The following DYRK1A variants were observed in gnomAD, a reference collection of about 807,000 sequenced individuals.
DYRK1A encodes the protein dual specificity tyrosine-phosphorylation-regulated kinase 1A.
In DYRK1A, 9 loss-of-function variants were observed where a neutral mutation model predicts 79.7. The observed-to-expected ratio is 0.11, with a 90% CI of 0.07 to 0.20. The LOEUF (loss-of-function observed/expected upper bound fraction) is 0.20. DYRK1A is among the 10% of genes least tolerant of loss of function. DYRK1A has a pLI of 1.00. For missense variants in DYRK1A, 622 were observed against 956.0 expected, an observed-to-expected ratio of 0.65 and a Z score of 4.61; for synonymous variants, 349 against 329.7, an observed-to-expected ratio of 1.06 and a Z score of -0.63.
intron 2 of DYRK1A, among the ~76,000 whole-genome samples, chr21:37,470,943 T>TA (rs1163170646): frequency 6.6e-6 from 1 of 152,250 alleles, no homozygotes; most frequent in African/African-American, 2.4e-5. Flanking sequence ...ACTATCCTTT[T>TA]ACTTATTTAA....
rs2053788453 is a variant in DYRK1A, at chr21:37,512,636, C to A, written c.*105C>A. On this transcript the variant is annotated 3_prime_UTR_variant, in exon 12 of 12. Coordinates refer to ENST00000647188, the MANE Select transcript of DYRK1A (RefSeq NM_001347721.2). ...CTTGAATCAGGAGGAGATTAACACA[C>A]TGAACCGCTACAAGAGGGCAAAGCT... The A allele has an allele frequency of 7.4e-7, 1 of 1,343,636 alleles. No individual in the cohort carries two copies. Among genetic ancestry groups the A allele is most frequent in the Non-Finnish European group, 1.0e-6 (1 of 980,616 alleles). The allele number at this position is 1,343,636 out of a possible 1,614,324, so 83.2% of individuals were successfully genotyped here.
At chr21:37,369,802 G>C (rs549527442) in intron 1 of DYRK1A, among the ~76,000 whole-genome samples, 13 of 152,332 alleles carry the variant, frequency 8.5e-5, no homozygotes, top group Non-Finnish European at 1.5e-4. Flanking sequence ...TTTGTTTTGA[G>C]ATCTAAGTAT....
At chr21:37,503,788 A>C (rs2053520416) in intron 9 of DYRK1A, 1 of 152,128 alleles carries the variant, frequency 6.6e-6, no homozygotes, top group African/African-American at 2.4e-5. Context: ...TATGTTGTCC[A>C]CTTTTGAACT....
At chr21:37,452,764 T>G (rs1451401039) in intron 2 of DYRK1A, among the ~76,000 whole-genome samples, 2 of 150,492 alleles carry the variant, frequency 1.3e-5, no homozygotes, top group African/African-American at 4.9e-5. Flanking sequence ...CCCGTTTTTT[T>G]TTTTTTTTTT....
At chr21:37,484,042 C>T (rs1037778701) in intron 5 of DYRK1A, among the ~76,000 whole-genome samples, 5 of 152,148 alleles carry the variant, frequency 3.3e-5, no homozygotes, top group African/African-American at 1.2e-4. Flanking sequence ...GAGTGGTCAG[C>T]AAGCATTACC....
intron 2 of DYRK1A, among the ~76,000 whole-genome samples, chr21:37,469,184 G>A (rs901336592): frequency 6.6e-6 from 1 of 152,162 alleles, no homozygotes; most frequent in South Asian, 2.1e-4. Flanking sequence ...AAGGAGTGGA[G>A]CGTGAGAATT....
At chr21:37,422,585 C>T (rs966891386) in intron 2 of DYRK1A, among the ~76,000 whole-genome samples, 2 of 152,048 alleles carry the variant, frequency 1.3e-5, no homozygotes, top group African/African-American at 4.8e-5. Flanking sequence ...GGCACAGGTT[C>T]AGGGATGCTG....
rs186106940 is a variant in DYRK1A, at chr21:37,435,935, C to T, written c.10+15551C>T. On this transcript the variant is annotated intron_variant, in intron 2 of 11. Coordinates refer to ENST00000647188, the MANE Select transcript of DYRK1A (RefSeq NM_001347721.2). ...CAGATGTTTTAACTGTTGCTTGTAC[C>T]GTTATGTTGGTGTATGTGAAGTCTT... Among the ~76,000 whole-genome samples, 135 of 151,952 alleles carry T rather than the reference C, an allele frequency of 8.9e-4. 4 individuals are homozygous for T. The highest frequency in any genetic ancestry group is 8.8e-3 in the Admixed American group (135 of 15,280).
chr21:37,367,977 T>G (rs1207185700), intron 1 of DYRK1A: 1 of 163,190 alleles, frequency 6.1e-6, no homozygotes, highest in Non-Finnish European at 1.3e-5. Context: ...CTCCTCATCC[T>G]CTTCCCCCAG....
Position 37,478,236 on chromosome 21 carries a change from C to T in DYRK1A, c.236C>T (p.Pro79Leu). The T allele has an allele frequency of 6.2e-7, 1 of 1,614,106 alleles. No individual in the cohort carries two copies. The highest frequency in any genetic ancestry group is 8.5e-7 in the Non-Finnish European group (1 of 1,179,970). Reference sequence around the variant, plus strand: ...CGGATGCCCCAAACCTTCCGTGACCCAGCAACTGCTCCCCTGAGAAAACTT... The same window carrying T: ...CGGATGCCCCAAACCTTCCGTGACCTAGCAACTGCTCCCCTGAGAAAACTT... ...QRRMPQTFRD[P>L]ATAPLRKLSV... The change falls in exon 4 of 12, where the codon CCA (proline) becomes CTA (leucine). Residue 79 changes from proline to leucine, a missense_variant. By Grantham distance (98) the Pro-to-Leu change is moderately conservative (BLOSUM62 -3). This residue lies in a region of DYRK1A where 91 missense variants were observed against 113.8 expected (regional missense o/e 0.80). Transcript: ENST00000647188.
At chr21:37,396,908 A>AGGTGAGTGCCTAGGTTGGTGGC (rs1308506192) in intron 1 of DYRK1A, among the ~76,000 whole-genome samples, 1 of 152,144 alleles carries the variant, frequency 6.6e-6, no homozygotes, top group Non-Finnish European at 1.5e-5. Context: ...AATCATCTGG[A>AGGTGAGTGCCTAGGTTGGTGGC]GGTGAGTGCC....
intron 1 of DYRK1A, among the ~76,000 whole-genome samples, chr21:37,402,828 T>C (rs1358390319): frequency 6.6e-6 from 1 of 152,176 alleles, no homozygotes; most frequent in African/African-American, 2.4e-5. Flanking sequence ...AATGGTGCCA[T>C]CTCGGCTCAC....
chr21:37,497,688 C>T (rs572799619), intron 9 of DYRK1A, among the ~76,000 whole-genome samples: 1 of 152,256 alleles, frequency 6.6e-6, no homozygotes, highest in South Asian at 2.1e-4. Flanking sequence ...CCCATTCCAT[C>T]TCCTAAATCT....
At chr21:37,413,753 A>G (rs763546037) in intron 1 of DYRK1A, among the ~76,000 whole-genome samples, 4 of 152,150 alleles carry the variant, frequency 2.6e-5, no homozygotes, top group Non-Finnish European at 5.9e-5. Flanking sequence ...CTTAAGATCT[A>G]GAATTGATTT....
At chr21:37,490,576 G>GT in intron 7 of DYRK1A, 115 bp downstream of exon 7, 1 of 381,024 alleles carries the variant, frequency 2.6e-6, no homozygotes, top group Non-Finnish European at 3.8e-6. Context: ...TGCAGTTGCT[G>GT]TTTTTGCAGT....
chr21:37,454,130 T>C (rs2051556023), intron 2 of DYRK1A, among the ~76,000 whole-genome samples: 1 of 138,350 alleles, frequency 7.2e-6, no homozygotes. Flanking sequence ...TCTCACTGTG[T>C]TGCCCAGGCT....
chr21:37,384,802 C>T (rs911562839), intron 1 of DYRK1A, among the ~76,000 whole-genome samples: 1 of 151,962 alleles, frequency 6.6e-6, no homozygotes, highest in Non-Finnish European at 1.5e-5. Flanking sequence ...ATACAAAAGA[C>T]CCAGATCAAA....
rs530561375 is a variant in DYRK1A, at chr21:37,372,316, G to C, written c.-77+4688G>C. 2.2e-3 allele frequency among the ~76,000 whole-genome samples: 341 copies of C among 151,580 alleles called. 2 individuals carry two copies. Among genetic ancestry groups the C allele is most frequent in the African/African-American group, 8.0e-3 (329 of 41,262 alleles). ...AAACAAAAAAAAAACAGGTGTGTTAGTGCCACCTGTAGTCCAGGCTACTCA... is the reference window on the plus strand; with the variant it reads ...AAACAAAAAAAAAACAGGTGTGTTACTGCCACCTGTAGTCCAGGCTACTCA... On this transcript the variant is annotated intron_variant, in intron 1 of 11. Coordinates refer to ENST00000647188, the MANE Select transcript of DYRK1A (RefSeq NM_001347721.2).
intron 4 of DYRK1A, among the ~76,000 whole-genome samples, chr21:37,480,393 G>A (rs2052594118): frequency 6.6e-6 from 1 of 152,062 alleles, no homozygotes; most frequent in African/African-American, 2.4e-5. Flanking sequence ...ATATAAACCA[G>A]GTCCTTTTAC....
Sources: allele counts gnomAD v4.1 joint callset (sites outside exome capture counted in the v4.1 genomes callset), GRCh38; gene constraint gnomAD v4.1.1; regional missense constraint gnomAD v4.1.1; transcripts MANE v1.5; gene names NCBI Gene and HGNC (gene_info 2026-07-23, HGNC 2026-07-21).